The following DIP2C variants were observed in gnomAD, a reference collection of about 807,000 sequenced individuals.
The protein encoded by DIP2C is disco-interacting protein 2 homolog C.
DIP2C carries 33 observed loss-of-function variants against 192.4 expected under a neutral mutation model. That is an observed-to-expected ratio of 0.17 (90% CI 0.13 to 0.23). The LOEUF is 0.23. DIP2C is among the 10% of genes least tolerant of loss of function. DIP2C has a pLI of 1.00. For missense variants in DIP2C, 1,537 were observed against 2,110.1 expected, an observed-to-expected ratio of 0.73 and a Z score of 5.32; for synonymous variants, 979 against 864.1, an observed-to-expected ratio of 1.13 and a Z score of -2.33.
At chr10:476,887 G>T (rs991890840) in intron 2 of DIP2C, among the ~76,000 whole-genome samples, 1 of 151,734 alleles carries the variant, frequency 6.6e-6, no homozygotes, top group African/African-American at 2.4e-5. Flanking sequence ...CGCCCGAAAG[G>T]GGCATCTGTT....
Position 620,166 on chromosome 10 carries a change from T to TA in DIP2C, c.85+69327dup, listed in dbSNP as rs1217569776. On this transcript the variant is annotated intron_variant, in intron 1 of 36. Coordinates refer to ENST00000280886, the MANE Select transcript of DIP2C (RefSeq NM_014974.3). Reference sequence around the variant, plus strand: ...TGGACGGAGAGCATTTCCCCTTGTATAGTCTTACAAGGCCATTTTATTTGT... The same window carrying TA: ...TGGACGGAGAGCATTTCCCCTTGTATAAGTCTTACAAGGCCATTTTATTTGT... 2.0e-5 allele frequency among the ~76,000 whole-genome samples: 3 copies of TA among 152,236 alleles called. No homozygotes were observed. In the East Asian group the frequency reaches 5.8e-4, roughly 29 times the overall value.
intron 1 of DIP2C, among the ~76,000 whole-genome samples, chr10:574,664 C>T (rs1379719723): frequency 1.3e-5 from 2 of 152,250 alleles, no homozygotes; most frequent in African/African-American, 2.4e-5. Flanking sequence ...CACTAACCTT[C>T]AGCTCCCATT....
intron 3 of DIP2C, among the ~76,000 whole-genome samples, chr10:471,171 G>A (rs1970594753): frequency 6.6e-6 from 1 of 152,168 alleles, no homozygotes; most frequent in South Asian, 2.1e-4. Flanking sequence ...CAGCCTCCTT[G>A]GAGAAGGCAG....
At chr10:580,015 T>G (rs1010529316) in intron 1 of DIP2C, among the ~76,000 whole-genome samples, 8 of 152,074 alleles carry the variant, frequency 5.3e-5, no homozygotes, top group Non-Finnish European at 8.8e-5. Context: ...TGTACATGAA[T>G]AGCATGTACA....
chr10:324,416 C>A (rs1304044969), intron 31 of DIP2C, among the ~76,000 whole-genome samples: 3 of 152,202 alleles, frequency 2.0e-5, no homozygotes, highest in South Asian at 4.1e-4. Context: ...CACACCTGCC[C>A]TCAAAGATTC....
intron 1 of DIP2C, among the ~76,000 whole-genome samples, chr10:528,947 C>T (rs1185691483): frequency 1.3e-5 from 2 of 152,182 alleles, no homozygotes; most frequent in African/African-American, 4.8e-5. Context: ...GGAACGAGAA[C>T]ACTACCAGCA....
Position 364,558 on chromosome 10 carries a change from C to T in DIP2C, c.2293G>A (p.Ala765Thr), listed in dbSNP as rs895444545. 8.7e-6 allele frequency: 14 copies of T among 1,613,926 alleles called. No individual in the cohort carries two copies. The African/African-American group carries it at 1.3e-4, about 15-fold the overall frequency. Residue 765 changes from alanine (A) to threonine (T), a missense_variant, in exon 20 of 37, where the codon GCT (alanine) becomes ACT (threonine). Ala to Thr is a moderately conservative substitution (Grantham distance 58, BLOSUM62 0). Around this residue, in one of 4 missense-constraint regions of DIP2C, gnomAD observed 677 missense variants for 989.9 expected, o/e 0.68. Transcript: ENST00000280886. ...FEVFPMTSSG[A>T]PISEYPFIRT... is the part of the protein sequence containing the mutation. ...ATGAATGGGTATTCACTGATCGGAG[C>T]CCCGGAGCTTGTCATGGGAAACACC... is the stretch of plus-strand genomic sequence containing the variant.
At chr10:409,488 A>G (rs534263938) in intron 8 of DIP2C, among the ~76,000 whole-genome samples, 2 of 152,356 alleles carry the variant, frequency 1.3e-5, no homozygotes, top group South Asian at 4.1e-4. Flanking sequence ...TCCAACAGTC[A>G]GAGCTGCCTG....
At chr10:487,298 A>G (rs115690728) in intron 1 of DIP2C, among the ~76,000 whole-genome samples, 2,353 of 152,342 alleles carry the variant, frequency 0.015, 66 homozygotes, top group African/African-American at 0.054. Context: ...TGATCAAACC[A>G]TAATTCCAAG....
intron 1 of DIP2C, among the ~76,000 whole-genome samples, chr10:599,738 A>C (rs1009008005): frequency 6.7e-6 from 1 of 150,030 alleles, no homozygotes; most frequent in Non-Finnish European, 1.5e-5. Flanking sequence ...TCATGTCCCA[A>C]CGGGCCCTTT....
At chr10:512,922 G>GAAAAAAA (rs60269783) in intron 1 of DIP2C, among the ~76,000 whole-genome samples, 2 of 92,186 alleles carry the variant, frequency 2.2e-5, no homozygotes, top group East Asian at 3.1e-4. Context: ...CCCACTTCAG[G>GAAAAAAA]AAAAAAAAAA....
At chr10:569,577 GAT>G (rs1849655607) in intron 1 of DIP2C, among the ~76,000 whole-genome samples, 1 of 151,808 alleles carries the variant, frequency 6.6e-6, no homozygotes, top group African/African-American at 2.4e-5. Flanking sequence ...TCGGTTAAAT[GAT>G]ACTCATTTGT....
chr10:624,766 G>C (rs1383395170), intron 1 of DIP2C, among the ~76,000 whole-genome samples: 1 of 152,218 alleles, frequency 6.6e-6, no homozygotes, highest in Non-Finnish European at 1.5e-5. Context: ...AGGGACGCTT[G>C]GAGAGAACCT....
At chr10:500,537 CCA>C (rs1193869172) in intron 1 of DIP2C, among the ~76,000 whole-genome samples, 3 of 152,178 alleles carry the variant, frequency 2.0e-5, no homozygotes, top group Non-Finnish European at 4.4e-5. Context: ...CATTCATCCC[CCA>C]AATATTTAAT....
chr10:418,016 ACAGGCC>A (rs2133131304), intron 6 of DIP2C, among the ~76,000 whole-genome samples: 4 of 79,808 alleles, frequency 5.0e-5, no homozygotes, highest in Non-Finnish European at 1.0e-4. Flanking sequence ...CAGGGCGCGG[ACAGGCC>A]TCCCTGTCCA....
chr10:604,425 G>C (rs564393905), intron 1 of DIP2C, among the ~76,000 whole-genome samples: 2 of 152,314 alleles, frequency 1.3e-5, no homozygotes, highest in African/African-American at 4.8e-5. Context: ...AACACATTCG[G>C]AACAGAATCA....
chr10:493,030 G>A (rs558778389), intron 1 of DIP2C, among the ~76,000 whole-genome samples: 15 of 152,324 alleles, frequency 9.8e-5, no homozygotes, highest in Admixed American at 1.3e-4. Flanking sequence ...TGTGCCGCGC[G>A]GAGCAGAGGC....
At chr10:305,993 A>ATATGTATG (rs958069491) in intron 32 of DIP2C, among the ~76,000 whole-genome samples, 1 of 142,700 alleles carries the variant, frequency 7.0e-6, no homozygotes, top group African/African-American at 2.6e-5. Flanking sequence ...ATATATATAT[A>ATATGTATG]TTATATTTTT....
intron 7 of DIP2C, among the ~76,000 whole-genome samples, chr10:414,735 G>GTATATATATATATATA (rs1377828086): frequency 1.1e-4 from 6 of 53,084 alleles, no homozygotes; most frequent in Non-Finnish European, 1.5e-4. Context: ...GTGTGTGTGT[G>GTATATATATATATATA]TGTGTACATA....
Sources: gnomAD v4.1 joint callset for allele counts (sites outside exome capture counted in the v4.1 genomes callset) on GRCh38, gnomAD v4.1.1 for gene constraint, gnomAD v4.1.1 regional missense constraint, MANE v1.5 for transcripts, NCBI Gene and HGNC (gene_info 2026-07-23, HGNC 2026-07-21) for gene names.